The following EHBP1 variants were observed in gnomAD, a reference collection of about 807,000 sequenced individuals.
The protein encoded by EHBP1 is EH domain-binding protein 1.
A neutral mutation model predicts 144.0 loss-of-function variants in EHBP1; 55 were observed. That is an observed-to-expected ratio of 0.38 (90% CI 0.31 to 0.48). EHBP1 has a LOEUF of 0.48. EHBP1 is among the 20% of genes least tolerant of loss of function. The pLI, the probability that EHBP1 is intolerant of heterozygous loss-of-function variation, is 0.98. For missense variants in EHBP1, 1,200 were observed against 1,364.2 expected, an observed-to-expected ratio of 0.88 and a Z score of 1.90; for synonymous variants, 469 against 472.7, an observed-to-expected ratio of 0.99 and a Z score of 0.10.
intron 10 of EHBP1, among the ~76,000 whole-genome samples, chr2:62,942,419 C>T (rs2056811417): frequency 6.6e-6 from 1 of 152,152 alleles, no homozygotes; most frequent in Non-Finnish European, 1.5e-5. Flanking sequence ...GGTATTTAGC[C>T]TTAAGTATTT....
chr2:62,754,475 G>T (rs900441070), intron 3 of EHBP1, among the ~76,000 whole-genome samples: 1 of 152,220 alleles, frequency 6.6e-6, no homozygotes, highest in African/African-American at 2.4e-5. Context: ...TCTGTTCTCA[G>T]ATCTCAAACT....
At chr2:62,953,494 A>C (rs527526400) in intron 13 of EHBP1, among the ~76,000 whole-genome samples, 1 of 151,994 alleles carries the variant, frequency 6.6e-6, no homozygotes, top group East Asian at 1.9e-4. Context: ...GGCTGCAGTG[A>C]GCTGTGATCA....
intron 5 of EHBP1, among the ~76,000 whole-genome samples, chr2:62,806,146 A>G (rs2044441155): frequency 6.6e-6 from 1 of 151,678 alleles, no homozygotes; most frequent in African/African-American, 2.4e-5. Context: ...TGCTTGGCTA[A>G]TTTTTTAATA....
chr2:63,011,352 A>G (rs1292255944), intron 19 of EHBP1, among the ~76,000 whole-genome samples: 1 of 151,872 alleles, frequency 6.6e-6, no homozygotes, highest in East Asian at 1.9e-4. Flanking sequence ...AGAAGCTTCA[A>G]GTTTGGTTTA....
intron 1 of EHBP1, among the ~76,000 whole-genome samples, chr2:62,688,797 C>T (rs1240106848): frequency 6.6e-6 from 1 of 151,772 alleles, no homozygotes; most frequent in Non-Finnish European, 1.5e-5. Flanking sequence ...AGAAACCAAA[C>T]ACTTCTGAAA....
chr2:62,962,538 A>T (rs1045338788), intron 14 of EHBP1, among the ~76,000 whole-genome samples: 6 of 152,228 alleles, frequency 3.9e-5, no homozygotes, highest in African/African-American at 9.6e-5. Flanking sequence ...AAAATAAAGG[A>T]TGATAGTCCT....
At chr2:62,839,136 A>C (rs2047566463) in intron 7 of EHBP1, among the ~76,000 whole-genome samples, 1 of 149,866 alleles carries the variant, frequency 6.7e-6, no homozygotes, top group Non-Finnish European at 1.5e-5. Flanking sequence ...CAAAAAGCTT[A>C]TCCACCATGA....
rs975080417 is a variant in EHBP1, at chr2:63,012,040, G to C, written c.3103+15274G>C. Among the ~76,000 whole-genome samples the C allele has an allele frequency of 1.8e-4, 27 of 151,908 alleles. No individual in the cohort carries two copies. The East Asian group carries it at 4.8e-3, about 27-fold the overall frequency. ...TAATACATAGTAGGTCTGTAGTTTT[G>C]TTGTTACCGTTGTTGTTTTTTTAAT... On this transcript the variant is annotated intron_variant, in intron 19 of 22. Coordinates refer to ENST00000431489, the MANE Select transcript of EHBP1 (RefSeq NM_001142616.3).
chr2:62,751,921 T>C (rs1332366991), intron 3 of EHBP1, among the ~76,000 whole-genome samples: 2 of 152,174 alleles, frequency 1.3e-5, no homozygotes, highest in Non-Finnish European at 2.9e-5. Context: ...TTGTTGATCT[T>C]TTCAAAAAAC....
intron 10 of EHBP1, among the ~76,000 whole-genome samples, chr2:62,910,134 TA>T (rs1459904527): frequency 6.6e-6 from 1 of 152,182 alleles, no homozygotes; most frequent in Non-Finnish European, 1.5e-5. Flanking sequence ...TGGGAAGTAC[TA>T]ATTTGGAAAG....
At chr2:62,877,809 A>C (rs1042027625) in intron 10 of EHBP1, among the ~76,000 whole-genome samples, 4 of 152,190 alleles carry the variant, frequency 2.6e-5, no homozygotes, top group Non-Finnish European at 5.9e-5. Flanking sequence ...ACATACCAGA[A>C]TCTCTGGGAC....
intron 7 of EHBP1, among the ~76,000 whole-genome samples, chr2:62,833,629 T>G (rs1267356466): frequency 2.0e-5 from 3 of 152,208 alleles, no homozygotes; most frequent in Non-Finnish European, 4.4e-5. Flanking sequence ...GTACACTCCC[T>G]GAAAAAACAA....
intron 9 of EHBP1, among the ~76,000 whole-genome samples, chr2:62,870,948 C>T (rs1390284504): frequency 6.6e-6 from 1 of 151,872 alleles, no homozygotes; most frequent in Non-Finnish European, 1.5e-5. Context: ...AGAGTTACAT[C>T]ATAATAATCA....
At chr2:63,026,594 A>G (rs2060995032) in intron 19 of EHBP1, among the ~76,000 whole-genome samples, 1 of 152,206 alleles carries the variant, frequency 6.6e-6, no homozygotes, top group Admixed American at 6.5e-5. Context: ...CTGGACTTGA[A>G]TGTATCCTGA....
At chr2:62,985,035 T>A (rs2059128292) in intron 15 of EHBP1, among the ~76,000 whole-genome samples, 2 of 152,092 alleles carry the variant, frequency 1.3e-5, no homozygotes, top group South Asian at 4.2e-4. Flanking sequence ...TCACCCTTAC[T>A]CTCCTCAGTA....
At chr2:62,888,761 GGTTAGCTCACCTTTACTACATGAAA>G (rs1250022289) in intron 10 of EHBP1, among the ~76,000 whole-genome samples, 16 of 152,244 alleles carry the variant, frequency 1.1e-4, no homozygotes, top group African/African-American at 2.6e-4. Context: ...AGGAAGCACT[GGTTAGCTCACCTTTACTACATGAAA>G]AAGGAAGGGG....
At chr2:62,750,305 A>G (rs541357390) in intron 3 of EHBP1, among the ~76,000 whole-genome samples, 9 of 151,992 alleles carry the variant, frequency 5.9e-5, no homozygotes, top group Non-Finnish European at 1.2e-4. Flanking sequence ...GATGTGTGGT[A>G]TTATTTCTGA....
intron 8 of EHBP1, among the ~76,000 whole-genome samples, chr2:62,863,837 G>GATT (rs2049810497): frequency 2.7e-5 from 2 of 74,576 alleles, no homozygotes; most frequent in African/African-American, 9.8e-5. Context: ...ATTTTTCTGT[G>GATT]TTGTTTTTTT....
intron 5 of EHBP1, among the ~76,000 whole-genome samples, chr2:62,822,188 T>C (rs1159948923): frequency 6.6e-6 from 1 of 152,112 alleles, no homozygotes; most frequent in Admixed American, 6.6e-5. Flanking sequence ...ATTAGAAAAA[T>C]TGTAAGATCT....
Sources: allele counts gnomAD v4.1 joint callset (sites outside exome capture counted in the v4.1 genomes callset), GRCh38; gene constraint gnomAD v4.1.1; transcripts MANE v1.5; gene names NCBI Gene and HGNC (gene_info 2026-07-23, HGNC 2026-07-21).